The following SMYD3 variants were observed in gnomAD, a reference collection of about 807,000 sequenced individuals.
The protein encoded by SMYD3 is SET and MYND domain containing 3.
Under a neutral mutation model 57.7 loss-of-function variants are expected in SMYD3, and 36 were observed. The ratio of observed to expected loss-of-function variants is 0.62; its 90% CI spans 0.48 to 0.82. The LOEUF is 0.82. Among genes scored for constraint, SMYD3 ranks in the 40% least tolerant of loss-of-function variants. The pLI, the probability that SMYD3 is intolerant of heterozygous loss-of-function variation, is 0.00. For missense variants in SMYD3, 515 were observed against 538.8 expected (o/e 0.96, Z 0.44); for synonymous variants, 211 against 195.0 (o/e 1.08, Z -0.68).
At chr1:245,766,096 C>T (rs1397154980) in intron 10 of SMYD3, among the ~76,000 whole-genome samples, 1 of 152,012 alleles carries the variant, frequency 6.6e-6, no homozygotes, top group Non-Finnish European at 1.5e-5. Flanking sequence ...GAAAGTTGGG[C>T]ATGCCTCTTT....
At chr1:246,188,164 TGTC>T (rs1380029627) in intron 5 of SMYD3, among the ~76,000 whole-genome samples, 7 of 152,334 alleles carry the variant, frequency 4.6e-5, no homozygotes, top group African/African-American at 1.7e-4. Context: ...ATCAGAATGT[TGTC>T]GTGTCTGGCA....
chr1:245,889,816 T>C (rs1160492673), intron 8 of SMYD3, among the ~76,000 whole-genome samples: 2 of 152,158 alleles, frequency 1.3e-5, no homozygotes, highest in East Asian at 3.9e-4. Context: ...ACTGAAGGAA[T>C]CACATTACCT....
chr1:245,793,001 A>G (rs1483248132), intron 10 of SMYD3, among the ~76,000 whole-genome samples: 1 of 152,190 alleles, frequency 6.6e-6, no homozygotes, highest in East Asian at 1.9e-4. Context: ...CCCTTACTGC[A>G]TTTCTAGTTA....
chr1:245,841,535 T>A (rs2050400776), intron 10 of SMYD3, among the ~76,000 whole-genome samples: 1 of 152,188 alleles, frequency 6.6e-6, no homozygotes, highest in Non-Finnish European at 1.5e-5. Flanking sequence ...GAATTTTAAA[T>A]TAACTTAGAT....
intron 1 of SMYD3, among the ~76,000 whole-genome samples, chr1:246,502,936 C>T (rs2068479730): frequency 2.0e-5 from 3 of 152,208 alleles, no homozygotes; most frequent in Admixed American, 6.5e-5. Flanking sequence ...TCAGAATCCC[C>T]TGGTACCACA....
At chr1:245,793,039 A>ATGTG (rs2047344897) in intron 10 of SMYD3, among the ~76,000 whole-genome samples, 5 of 150,896 alleles carry the variant, frequency 3.3e-5, no homozygotes, top group Admixed American at 1.3e-4. Flanking sequence ...GGCCAGGCAC[A>ATGTG]GTGGCTCATG....
At chr1:245,845,194 C>CT (rs2050604166) in intron 10 of SMYD3, among the ~76,000 whole-genome samples, 1 of 152,170 alleles carries the variant, frequency 6.6e-6, no homozygotes, top group African/African-American at 2.4e-5. Context: ...CAAAAAAACA[C>CT]TGAGCTTTGA....
chr1:246,006,530 G>C lies in SMYD3; in HGVS notation c.532-76593C>G, dbSNP rs147154254. Among the ~76,000 whole-genome samples, 40 of 152,252 alleles carry C rather than the reference G, an allele frequency of 2.6e-4. 1 individual carries two copies. Among genetic ancestry groups the C allele is most frequent in the Middle Eastern group, 3.4e-3 (1 of 294 alleles). ...ACTTACAAAGTTAGGGGGAAAGCTG[G>C]AAAGTGATATGCAGCCCCTGTATAA... is the stretch of plus-strand genomic sequence containing the variant. On this transcript the variant is annotated intron_variant, in intron 5 of 11. Transcript: ENST00000490107.
chr1:246,272,656 C>A (rs2064244701), intron 5 of SMYD3, among the ~76,000 whole-genome samples: 1 of 152,068 alleles, frequency 6.6e-6, no homozygotes, highest in Non-Finnish European at 1.5e-5. Flanking sequence ...GGTGTATAAT[C>A]CTTTTAATAT....
chr1:245,827,642 G>A (rs1366503888), intron 10 of SMYD3, among the ~76,000 whole-genome samples: 1 of 152,224 alleles, frequency 6.6e-6, no homozygotes, highest in Admixed American at 6.5e-5. Context: ...CTTCCAAGGA[G>A]GAAAGTGTGT....
intron 1 of SMYD3, among the ~76,000 whole-genome samples, chr1:246,467,763 A>G (rs1318046996): frequency 2.0e-5 from 3 of 152,214 alleles, no homozygotes; most frequent in Admixed American, 2.0e-4. Flanking sequence ...TCATTCAAAA[A>G]AGCCAGCATT....
intron 1 of SMYD3, among the ~76,000 whole-genome samples, chr1:246,411,679 C>A (rs2066971968): frequency 6.6e-6 from 1 of 152,000 alleles, no homozygotes; most frequent in African/African-American, 2.4e-5. Context: ...TTTGTAGGGA[C>A]ATGGATGAAG....
intron 5 of SMYD3, among the ~76,000 whole-genome samples, chr1:245,998,692 A>G (rs1402620028): frequency 1.3e-5 from 2 of 152,210 alleles, no homozygotes; most frequent in African/African-American, 2.4e-5. Flanking sequence ...CAGCGACTCA[A>G]CAGATACTTG....
chr1:246,224,504 C>T (rs2063300888), intron 5 of SMYD3, among the ~76,000 whole-genome samples: 1 of 151,790 alleles, frequency 6.6e-6, no homozygotes. Context: ...ATAAGGGATT[C>T]ACACTGTATT....
intron 5 of SMYD3, among the ~76,000 whole-genome samples, chr1:246,095,390 T>C (rs1053758201): frequency 1.3e-5 from 2 of 152,140 alleles, no homozygotes; most frequent in Admixed American, 1.3e-4. Context: ...CAGAAGTGAG[T>C]GCACACAGGG....
At chr1:246,092,230 G>A (rs968778101) in intron 5 of SMYD3, among the ~76,000 whole-genome samples, 1 of 151,974 alleles carries the variant, frequency 6.6e-6, no homozygotes, top group Non-Finnish European at 1.5e-5. Context: ...AAAGAAGTGA[G>A]GAAAAAATGC....
intron 1 of SMYD3, among the ~76,000 whole-genome samples, chr1:246,436,745 G>C (rs1363672909): frequency 6.6e-6 from 1 of 152,074 alleles, no homozygotes; most frequent in East Asian, 1.9e-4. Flanking sequence ...CCGCCCCCAA[G>C]GGCAGGTTTA....
At chr1:245,847,429 C>T (rs768538239) in intron 10 of SMYD3, among the ~76,000 whole-genome samples, 2 of 152,172 alleles carry the variant, frequency 1.3e-5, no homozygotes, top group Non-Finnish European at 2.9e-5. Flanking sequence ...AGCATGTAAG[C>T]GTGCTGATCA....
rs1553351025 is a variant in SMYD3, at chr1:246,457,544, AAAAAGAAAAG to A, written c.164+49500_164+49509del. 6.6e-4 allele frequency among the ~76,000 whole-genome samples: 58 copies of A among 87,254 alleles called. 1 individual carries two copies. Among genetic ancestry groups the A allele is most frequent in the African/African-American group, 1.9e-3 (46 of 24,268 alleles). The allele number at this position is 87,254 out of a possible 152,430, so 57.2% of individuals were successfully genotyped here. ...CGAGACTCTGCCTCAAAAAAAAAAAAAAAAGAAAAGAAAAGAAAAGAAAAGAAAAGAAAAA... is the reference window on the plus strand; with the variant it reads ...CGAGACTCTGCCTCAAAAAAAAAAAAAAAAGAAAAGAAAAGAAAAGAAAAA... On this transcript the variant is annotated intron_variant, in intron 1 of 11. Transcript: ENST00000490107.
Sources: allele counts gnomAD v4.1 joint callset (sites outside exome capture counted in the v4.1 genomes callset), GRCh38; gene constraint gnomAD v4.1.1; transcripts MANE v1.5; gene names NCBI Gene and HGNC (gene_info 2026-07-23, HGNC 2026-07-21).